LRRIQ1: variants seen among roughly 807,000 people sequenced by gnomAD.
The protein encoded by LRRIQ1 is leucine rich repeats and IQ motif containing 1.
Under a neutral mutation model 211.9 loss-of-function variants are expected in LRRIQ1, and 210 were observed. The observed-to-expected ratio is 0.99, with a 90% confidence interval of 0.89 to 1.11. LRRIQ1 has a LOEUF of 1.11. Among genes scored for constraint, LRRIQ1 ranks in the 50% most tolerant of loss-of-function variants. LRRIQ1 has a pLI of 0.00. For synonymous variants in LRRIQ1, 699 were observed against 650.1 expected (o/e 1.08, Z -1.14); for missense variants, 2,136 against 1,939.5 (o/e 1.10, Z -1.90).
intron 14 of LRRIQ1, among the ~76,000 whole-genome samples, chr12:85,106,092 G>A (rs140449677): frequency 3.3e-5 from 5 of 152,050 alleles, no homozygotes; most frequent in East Asian, 3.9e-4. Flanking sequence ...CACTGCCTCC[G>A]GCCCTATATT....
intron 8 of LRRIQ1, among the ~76,000 whole-genome samples, chr12:85,060,635 C>G (rs1881680573): frequency 6.6e-6 from 1 of 151,854 alleles, no homozygotes; most frequent in Non-Finnish European, 1.5e-5. Context: ...TTTATTCAAA[C>G]CACTAATCAA....
At chr12:85,097,477 C>T (rs576431844) in intron 11 of LRRIQ1, among the ~76,000 whole-genome samples, 1 of 149,018 alleles carries the variant, frequency 6.7e-6, no homozygotes, top group East Asian at 2.0e-4. Context: ...TCTCATTGTT[C>T]AATTCCAACC....
chr12:85,108,674 T>A lies in LRRIQ1; in HGVS notation c.3377+2059T>A, dbSNP rs533743852. On this transcript the variant is annotated intron_variant, in intron 15 of 26. Coordinates refer to ENST00000393217, the MANE Select transcript of LRRIQ1 (RefSeq NM_001079910.2). ...GATCATTCTGGCTTACACTTTTGTC[T>A]TTTTTTATGCTCAGAACATTCACTT... is the stretch of plus-strand genomic sequence containing the variant. Among the ~76,000 whole-genome samples, 328 of 152,246 alleles carry A rather than the reference T, an allele frequency of 2.2e-3. 2 individuals are homozygous for A. Among genetic ancestry groups the A allele is most frequent in the African/African-American group, 7.7e-3 (321 of 41,556 alleles).
At chr12:85,156,273 T>C (rs900263936) in intron 23 of LRRIQ1, among the ~76,000 whole-genome samples, 10 of 151,814 alleles carry the variant, frequency 6.6e-5, no homozygotes, top group Non-Finnish European at 1.5e-4. Context: ...ATGTAAAATT[T>C]AGTGATAAGT....
chr12:85,075,650 G>A (rs1235663845), intron 11 of LRRIQ1, among the ~76,000 whole-genome samples: 1 of 151,958 alleles, frequency 6.6e-6, no homozygotes, highest in Non-Finnish European at 1.5e-5. Flanking sequence ...CTCCCAGCAG[G>A]CCCCACCTCC....
chr12:85,203,248 A>G (rs1020941920), intron 24 of LRRIQ1, among the ~76,000 whole-genome samples: 1 of 152,142 alleles, frequency 6.6e-6, no homozygotes, highest in African/African-American at 2.4e-5. Context: ...GCCTTCTGCT[A>G]TGATTGTGAG....
intron 24 of LRRIQ1, among the ~76,000 whole-genome samples, chr12:85,192,438 A>G (rs1454920002): frequency 7.6e-6 from 1 of 131,024 alleles, no homozygotes; most frequent in Non-Finnish European, 1.6e-5. Flanking sequence ...ATATTTATAT[A>G]TAAATGTATA....
chr12:85,086,211 T>C (rs1201897686), intron 11 of LRRIQ1, among the ~76,000 whole-genome samples: 1 of 152,166 alleles, frequency 6.6e-6, no homozygotes, highest in Non-Finnish European at 1.5e-5. Context: ...TTTTCACATA[T>C]TTGTTGACTG....
At chr12:85,131,338 C>A (rs1888746960) in intron 18 of LRRIQ1, among the ~76,000 whole-genome samples, 1 of 152,034 alleles carries the variant, frequency 6.6e-6, no homozygotes. Flanking sequence ...GGAGACAGCA[C>A]CCAAGTCACC....
downstream of LRRIQ1, chr12:85,245,184 C>A (rs1163562501): frequency 4.5e-6 from 2 of 439,904 alleles, no homozygotes; most frequent in Non-Finnish European, 7.1e-6. Flanking sequence ...ATATTGAATT[C>A]TTTGATCATT....
intron 21 of LRRIQ1, 24 bp downstream of exon 21, chr12:85,153,169 G>A: frequency 1.2e-5 from 19 of 1,567,876 alleles, no homozygotes; most frequent in Non-Finnish European, 1.6e-5. Flanking sequence ...TTGTTTTAGA[G>A]AATCAACTTG....
chr12:85,241,853 TAGA>T (rs375968864), intron 26 of LRRIQ1, among the ~76,000 whole-genome samples: 334 of 152,132 alleles, frequency 2.2e-3, no homozygotes, highest in African/African-American at 7.7e-3. Flanking sequence ...GAAAAAAATG[TAGA>T]AGAAGAGGAA....
chr12:85,242,218 T>G (rs531937300), intron 26 of LRRIQ1, among the ~76,000 whole-genome samples: 1 of 152,096 alleles, frequency 6.6e-6, no homozygotes, highest in South Asian at 2.1e-4. Context: ...CAACATACGT[T>G]TTTGTAGAAT....
intron 15 of LRRIQ1, among the ~76,000 whole-genome samples, chr12:85,113,258 T>C (rs1383653726): frequency 1.3e-5 from 2 of 152,184 alleles, no homozygotes; most frequent in Non-Finnish European, 2.9e-5. Context: ...ACATTTCCTT[T>C]ATTTTTTTAA....
chr12:85,122,635 G>A (rs1325560113), intron 16 of LRRIQ1, among the ~76,000 whole-genome samples: 1 of 151,912 alleles, frequency 6.6e-6, no homozygotes, highest in Non-Finnish European at 1.5e-5. Flanking sequence ...ATATTCTTAA[G>A]GTTTTGCTAT....
intron 15 of LRRIQ1, among the ~76,000 whole-genome samples, chr12:85,111,409 A>G (rs184648407): frequency 1.3e-5 from 2 of 152,096 alleles, no homozygotes; most frequent in Non-Finnish European, 2.9e-5. Context: ...AGAACAAGGC[A>G]GTCATCACTT....
chr12:85,125,972 C>G (rs922197471), intron 17 of LRRIQ1, among the ~76,000 whole-genome samples: 1 of 152,116 alleles, frequency 6.6e-6, no homozygotes, highest in Non-Finnish European at 1.5e-5. Flanking sequence ...TCAGGAGATT[C>G]ACTGCCAATT....
intron 11 of LRRIQ1, among the ~76,000 whole-genome samples, chr12:85,078,057 G>T (rs189240510): frequency 6.6e-6 from 1 of 151,746 alleles, no homozygotes; most frequent in East Asian, 2.0e-4. Context: ...TCTAGAACCC[G>T]CCCACCCCTT....
chr12:85,128,642 A>G (rs1888549245), intron 18 of LRRIQ1, among the ~76,000 whole-genome samples: 1 of 152,162 alleles, frequency 6.6e-6, no homozygotes, highest in African/African-American at 2.4e-5. Flanking sequence ...GTCATTTGTC[A>G]CATCTGCTAA....
Sources: allele counts gnomAD v4.1 joint callset (sites outside exome capture counted in the v4.1 genomes callset), GRCh38; gene constraint gnomAD v4.1.1; transcripts MANE v1.5; gene names NCBI Gene and HGNC (gene_info 2026-07-23, HGNC 2026-07-21).